The following PEBP1 variants were observed in gnomAD, a reference collection of about 807,000 sequenced individuals.
PEBP1 encodes phosphatidylethanolamine-binding protein 1.
A neutral mutation model predicts 22.7 loss-of-function variants in PEBP1; 17 were observed. The observed-to-expected ratio is 0.75, with a 90% confidence interval of 0.51 to 1.12. PEBP1 has a LOEUF of 1.12. Among genes scored for constraint, PEBP1 ranks in the 50% most tolerant of loss-of-function variants. The probability of loss-of-function intolerance (pLI) is 0.00; values close to 1 mark genes in which losing one functional copy is unlikely to be tolerated. For missense variants in PEBP1, 205 were observed against 243.5 expected (o/e 0.84, Z 1.05); for synonymous variants, 106 against 104.3 (o/e 1.02, Z -0.10).
At position 118,137,187 on chromosome 12, in the gene PEBP1, A is replaced by G. The variant is rs532162968; in HGVS notation, c.135+843A>G. ...TGCAGATTTCACTTCAGCAGGCTCCAGGTAACCTCCTGATCACCAAATCCA... is the reference window on the plus strand; with the variant it reads ...TGCAGATTTCACTTCAGCAGGCTCCGGGTAACCTCCTGATCACCAAATCCA... On this transcript the variant is annotated intron_variant, in intron 1 of 3. Coordinates refer to ENST00000261313, the MANE Select transcript of PEBP1 (RefSeq NM_002567.4). Among the ~76,000 whole-genome samples, 14 of 152,276 alleles carry G rather than the reference A, an allele frequency of 9.2e-5. No homozygotes were observed. In the East Asian group the frequency reaches 2.5e-3, roughly 27 times the overall value.
Position 118,136,409 on chromosome 12 carries a change from G to A in PEBP1, c.135+65G>A, listed in dbSNP as rs1592925854. 6.8e-7 allele frequency: 1 copy of A among 1,480,670 alleles called. No homozygotes were observed. Among genetic ancestry groups the A allele is most frequent in the South Asian group, 1.3e-5 (1 of 75,418 alleles). The allele number at this position is 1,480,670 out of a possible 1,614,324, so 91.7% of individuals were successfully genotyped here. A position where few individuals can be genotyped will look rare whatever the true frequency, so the allele number is the denominator to read the frequency against. Reference sequence around the variant, plus strand: ...GGAGGCCTGTGCCGGCCTCCTGGGTGGGACCCAGCGGAGACAGGGCCAGGG... The same window carrying A: ...GGAGGCCTGTGCCGGCCTCCTGGGTAGGACCCAGCGGAGACAGGGCCAGGG... On this transcript the variant is annotated intron_variant, in intron 1 of 3. Coordinates refer to ENST00000261313, the MANE Select transcript of PEBP1 (RefSeq NM_002567.4). This position sits in a 1 kb window ranked among gnomAD's most constrained non-coding sequence, Gnocchi z 5.6.
Position 118,139,535 on chromosome 12 carries a change from G to T in PEBP1, c.330G>T (p.Gly110=), listed in dbSNP as rs1566199665. ...GTVLSDYVGS[G]PPKGTGLHRY... ...TCCTCTCCGATTATGTGGGCTCGGGGCCTCCCAAGGGCACAGGTTAGTAAA... is the reference window on the plus strand; with the variant it reads ...TCCTCTCCGATTATGTGGGCTCGGGTCCTCCCAAGGGCACAGGTTAGTAAA... The change falls in exon 3 of 4, where the codon GGG becomes GGT. Residue 110 remains glycine, a synonymous_variant. Transcript: ENST00000261313. 4 of 1,611,752 alleles carry T rather than the reference G, an allele frequency of 2.5e-6. No homozygotes were observed. Among genetic ancestry groups the T allele is most frequent in the Non-Finnish European group, 2.5e-6 (3 of 1,178,392 alleles).
chr12:118,141,743 A>G (rs1352333960), intron 3 of PEBP1, among the ~76,000 whole-genome samples: 1 of 152,204 alleles, frequency 6.6e-6, no homozygotes, highest in Non-Finnish European at 1.5e-5. Context: ...CCAAAAAAAA[A>G]GTATCATGCA....
Position 118,139,552 on chromosome 12 carries a change from GT to G in PEBP1, c.346+3del, listed in dbSNP as rs756374355. On this transcript the variant is annotated splice_donor_variant, in intron 3 of 3. Transcript: ENST00000261313. LOFTEE classifies it high-confidence loss of function. ...GGCTCGGGGCCTCCCAAGGGCACAG[GT>G]TAGTAAAGGTTGTTTTTGGTGGGAG... is the stretch of plus-strand genomic sequence containing the variant. 13 of 1,599,018 alleles carry G rather than the reference GT, an allele frequency of 8.1e-6. No individual in the cohort carries two copies. The highest frequency in any genetic ancestry group is 9.4e-6 in the Non-Finnish European group (11 of 1,168,852).
intron 2 of PEBP1, 59 bp downstream of exon 2, chr12:118,138,207 G>A: frequency 8.8e-7 from 1 of 1,137,586 alleles, no homozygotes; most frequent in South Asian, 1.3e-5. Context: ...TCGGGTGTAA[G>A]TCCCTTGCTG....
At chr12:118,142,835 T>G (rs1468510911) in intron 3 of PEBP1, among the ~76,000 whole-genome samples, 3 of 38,812 alleles carry the variant, frequency 7.7e-5, no homozygotes, top group Non-Finnish European at 1.4e-4. Flanking sequence ...ACTTTTTTTT[T>G]TTTTTTTTTT....
chr12:118,137,945 C>G, intron 1 of PEBP1, 94 bp from the exon 2 acceptor site: 2 of 821,760 alleles, frequency 2.4e-6, no homozygotes, highest in Admixed American at 4.0e-5. Flanking sequence ...CCTAGGCCTC[C>G]CAAAGTGCTG....
rs2034148125 is a variant in PEBP1 at position 118,145,366 on chromosome 12, C to T, written c.*563C>T. On this transcript the variant is annotated 3_prime_UTR_variant, in exon 4 of 4. Transcript: ENST00000261313. ...CACTCTGGTCCCTTTAAAGAGCAATCCTGGAAGAAGCAGGAGGGAGGGTGG... is the reference window on the plus strand; with the variant it reads ...CACTCTGGTCCCTTTAAAGAGCAATTCTGGAAGAAGCAGGAGGGAGGGTGG... 1.1e-5 allele frequency: 2 copies of T among 188,734 alleles called. No individual in the cohort carries two copies. The highest frequency in any genetic ancestry group is 1.9e-4 in the South Asian group (2 of 10,536). The allele number at this position is 188,734 out of a possible 1,614,324, so 11.7% of individuals were successfully genotyped here.
At chr12:118,140,864 C>G (rs192294818) in intron 3 of PEBP1, among the ~76,000 whole-genome samples, 1 of 151,848 alleles carries the variant, frequency 6.6e-6, no homozygotes, top group Non-Finnish European at 1.5e-5. Context: ...TTTAAAAAAG[C>G]CTCAGTAACT....
At chr12:118,143,965 C>G (rs1307333427) in intron 3 of PEBP1, among the ~76,000 whole-genome samples, 1 of 151,678 alleles carries the variant, frequency 6.6e-6, no homozygotes, top group Non-Finnish European at 1.5e-5. Context: ...CTATTTGCAT[C>G]CAGTACATCA....
Position 118,136,467 on chromosome 12 carries a change from GCC to G in PEBP1, c.135+129_135+130del. 1 of 1,180,404 alleles carries G rather than the reference GCC, an allele frequency of 8.5e-7. No individual in the cohort carries two copies. The highest frequency in any genetic ancestry group is 1.1e-6 in the Non-Finnish European group (1 of 872,964). 73.1% of individuals were successfully genotyped at this position (1,180,404 alleles called of 1,614,324 possible). A position where few individuals can be genotyped will look rare whatever the true frequency, so the allele number is the denominator to read the frequency against. ...GGAGGTTCAGCCTGCGTGTGTCGAG[GCC>G]CCCCCAGGCCAGAGGTCCCGGGGTC... is the stretch of plus-strand genomic sequence containing the variant. On this transcript the variant is annotated intron_variant, in intron 1 of 3. Transcript: ENST00000261313. This position sits in a 1 kb window ranked among gnomAD's most constrained non-coding sequence, Gnocchi z 5.6.
chr12:118,142,969 C>A (rs150781358), intron 3 of PEBP1, among the ~76,000 whole-genome samples: 219 of 151,080 alleles, frequency 1.4e-3, no homozygotes, highest in Admixed American at 4.6e-3. Flanking sequence ...CTCAGGCTCC[C>A]GAGAAGCTGG....
At position 118,136,384 on chromosome 12, in the gene PEBP1, G is replaced by T. The variant is rs1301173952; in HGVS notation, c.135+40G>T. 4 of 1,520,212 alleles carry T rather than the reference G, an allele frequency of 2.6e-6. No homozygotes were observed. The highest frequency in any genetic ancestry group is 3.5e-6 in the Non-Finnish European group (4 of 1,139,274). The allele number at this position is 1,520,212 out of a possible 1,614,324, so 94.2% of individuals were successfully genotyped here. ...GGGCGTGCAGCGAGCGGCACGGCGC[G>T]GAGGCCTGTGCCGGCCTCCTGGGTG... On this transcript the variant is annotated intron_variant, in intron 1 of 3. Transcript: ENST00000261313. The surrounding 1 kb of genome is among the most constrained non-coding windows in gnomAD (Gnocchi z 5.6).
rs79672660 is a variant in PEBP1 at position 118,136,744 on chromosome 12, T to A, written c.135+400T>A. On this transcript the variant is annotated intron_variant, in intron 1 of 3. Transcript: ENST00000261313. The surrounding 1 kb of genome is among the most constrained non-coding windows in gnomAD (Gnocchi z 5.6). ...GAGCTTCCCCTAGGGCCTCAGCATT[T>A]TAGGCCTGGTTTTGGAGGGCTGAAG... is the stretch of plus-strand genomic sequence containing the variant. 6.6e-6 allele frequency among the ~76,000 whole-genome samples: 1 copy of A among 152,180 alleles called. No homozygotes were observed. Among genetic ancestry groups the A allele is most frequent in the African/African-American group, 2.4e-5 (1 of 41,430 alleles).
At chr12:118,139,670 C>T (rs1473710794) in intron 3 of PEBP1, 119 bp downstream of exon 3, 6 of 609,744 alleles carry the variant, frequency 9.8e-6, no homozygotes, top group Non-Finnish European at 1.8e-5. Flanking sequence ...TCTCAGCTTA[C>T]CTCTAGGGCA....
intron 2 of PEBP1, among the ~76,000 whole-genome samples, 191 bp from the exon 3 acceptor site, chr12:118,139,260 C>T (rs995616242): frequency 1.3e-5 from 2 of 150,460 alleles, no homozygotes; most frequent in South Asian, 2.1e-4. Flanking sequence ...TGCAGTGAGC[C>T]GAGATCGTGC....
chr12:118,137,045 T>A (rs1450655912), intron 1 of PEBP1, among the ~76,000 whole-genome samples: 3 of 152,218 alleles, frequency 2.0e-5, no homozygotes, highest in Non-Finnish European at 4.4e-5. Context: ...AATTTAATTT[T>A]TTTGGATGTT....
chr12:118,138,162 A>G lies in PEBP1; in HGVS notation c.245+14A>G. ...TCCCAAATACAGGTGAGAGGTGAGA[A>G]AGACGAGAAGAGCAGGTCATGCAGA... On this transcript the variant is annotated intron_variant, in intron 2 of 3. Transcript: ENST00000261313. The G allele has an allele frequency of 6.6e-7, 1 of 1,526,342 alleles. No individual in the cohort carries two copies. Among genetic ancestry groups the G allele is most frequent in the Admixed American group, 1.7e-5 (1 of 59,400 alleles). The allele number at this position is 1,526,342 out of a possible 1,614,324, so 94.5% of individuals were successfully genotyped here. A position where few individuals can be genotyped will look rare whatever the true frequency, so the allele number is the denominator to read the frequency against.
Position 118,138,238 on chromosome 12 carries a change from G to C in PEBP1, c.245+90G>C, listed in dbSNP as rs555130283. The C allele has an allele frequency of 2.3e-5, 20 of 874,536 alleles. No homozygotes were observed. In the African/African-American group the frequency reaches 2.8e-4, roughly 12 times the overall value. The allele number at this position is 874,536 out of a possible 1,614,324, so 54.2% of individuals were successfully genotyped here. A position where few individuals can be genotyped will look rare whatever the true frequency, so the allele number is the denominator to read the frequency against. ...TGCTGGACACAGAGAAGTAGACCTG[G>C]TTTGGGATGCCCCCACCCATGCTTA... On this transcript the variant is annotated intron_variant, in intron 2 of 3. Transcript: ENST00000261313.
Sources: gnomAD v4.1 joint callset for allele counts (sites outside exome capture counted in the v4.1 genomes callset) on GRCh38, gnomAD v4.1.1 for gene constraint, Gnocchi (gnomAD v3.1) non-coding constraint, MANE v1.5 for transcripts, NCBI Gene and HGNC (gene_info 2026-07-23, HGNC 2026-07-21) for gene names.